Variants in NRDC observed in about 807,000 individuals in gnomAD.
NRDC encodes the protein nardilysin convertase.
In NRDC, 54 loss-of-function variants were observed where a neutral mutation model predicts 147.1. The ratio of observed to expected loss-of-function variants is 0.37; its 90% CI spans 0.29 to 0.46. The LOEUF (loss-of-function observed/expected upper bound fraction) is 0.46, where lower values mean the gene tolerates loss of function less well. NRDC is among the 20% of genes least tolerant of loss of function. The probability of loss-of-function intolerance (pLI) is 1.00; values close to 1 mark genes in which losing one functional copy is unlikely to be tolerated. For missense variants in NRDC, 1,082 were observed against 1,370.6 expected (o/e 0.79, Z 3.33); for synonymous variants, 440 against 482.1 (o/e 0.91, Z 1.14).
At chr1:51,843,774 T>C (rs1356670127) in intron 1 of NRDC, among the ~76,000 whole-genome samples, 1 of 151,014 alleles carries the variant, frequency 6.6e-6, no homozygotes, top group Non-Finnish European at 1.5e-5. Context: ...TGTCCAGAAA[T>C]AAATTCTAAG....
In NRDC at chr1:51,877,734, A is replaced by G. The variant is rs1683401974; in HGVS notation, c.341+541T>C. Among the ~76,000 whole-genome samples the G allele has an allele frequency of 2.0e-5, 3 of 152,184 alleles. No individual in the cohort carries two copies. In the South Asian group the frequency reaches 6.2e-4, roughly 31 times the overall value. ...ATATATTCCTGGACGAGGTCGCCCA[A>G]CCGTTTTGGTAATGGAGAACTACCC... is the stretch of plus-strand genomic sequence containing the variant. On this transcript the variant is annotated intron_variant, in intron 1 of 30. Transcript: ENST00000352171.
At chr1:51,826,236 G>A (rs1297475888) in intron 5 of NRDC, among the ~76,000 whole-genome samples, 1 of 152,186 alleles carries the variant, frequency 6.6e-6, no homozygotes, top group Non-Finnish European at 1.5e-5. Context: ...CAACAACCTT[G>A]AGGAAGTTAT....
intron 11 of NRDC, among the ~76,000 whole-genome samples, chr1:51,815,183 T>C (rs149164770): frequency 2.1e-5 from 2 of 93,030 alleles, no homozygotes; most frequent in African/African-American, 9.0e-5. Context: ...CCTTTTTTTC[T>C]TTTTTTTTTT....
intron 1 of NRDC, among the ~76,000 whole-genome samples, chr1:51,871,623 A>G (rs1408638932): frequency 6.6e-6 from 1 of 151,444 alleles, no homozygotes; most frequent in East Asian, 1.9e-4. Context: ...TGTCCTTATG[A>G]AGATCCTTAG....
intron 9 of NRDC, among the ~76,000 whole-genome samples, chr1:51,819,192 C>T (rs1680104320): frequency 6.6e-6 from 1 of 151,880 alleles, no homozygotes. Flanking sequence ...ATCACTGCCA[C>T]TCAGCAGGCT....
intron 10 of NRDC, among the ~76,000 whole-genome samples, chr1:51,817,652 G>A (rs537695189): frequency 2.0e-5 from 3 of 152,196 alleles, no homozygotes; most frequent in South Asian, 2.1e-4. Flanking sequence ...AACAATTCTC[G>A]TGCCTCAGCC....
At position 51,803,938 on chromosome 1, in the gene NRDC, T is replaced by C; in HGVS notation, c.2189A>G (p.Asn730Ser). The C allele has an allele frequency of 6.2e-7, 1 of 1,608,780 alleles. No homozygotes were observed. Among genetic ancestry groups the C allele is most frequent in the Non-Finnish European group, 8.5e-7 (1 of 1,177,630 alleles). Residue 730 changes from asparagine to serine, a missense_variant, in exon 20 of 31, where the codon AAT becomes AGT. Asn to Ser is a conservative substitution (Grantham distance 46). This residue lies in a region of NRDC where 635 missense variants were observed against 923.8 expected (regional missense o/e 0.69). Coordinates refer to ENST00000352171, the MANE Select transcript of NRDC (RefSeq NM_001101662.2). ...ANVVLFDIFVNILTHNLAEPA... is the reference protein window; with the variant it reads ...ANVVLFDIFVSILTHNLAEPA... Reference sequence around the variant, plus strand: ...TTCCGCAAGGTTATGCGTAAGGATATTGACAAAGATATCAAAGAGGACCAC... The same window carrying C: ...TTCCGCAAGGTTATGCGTAAGGATACTGACAAAGATATCAAAGAGGACCAC...
intron 9 of NRDC, among the ~76,000 whole-genome samples, 190 bp from the exon 10 acceptor site, chr1:51,818,325 G>T (rs1238448753): frequency 6.6e-6 from 1 of 152,090 alleles, no homozygotes; most frequent in African/African-American, 2.4e-5. Context: ...TTTTTTATTT[G>T]GTTTCAGAGG....
intron 4 of NRDC, among the ~76,000 whole-genome samples, chr1:51,832,390 AT>A (rs1482428708): frequency 6.6e-6 from 1 of 152,000 alleles, no homozygotes; most frequent in Non-Finnish European, 1.5e-5. Context: ...TTTAAAAAAA[AT>A]TTTTTTTGGT....
At chr1:51,809,624 C>T (rs1329471327) in intron 16 of NRDC, among the ~76,000 whole-genome samples, 7 of 152,242 alleles carry the variant, frequency 4.6e-5, no homozygotes, top group Admixed American at 2.0e-4. Context: ...TGGCCAGGCA[C>T]GGTGGCTCAC....
intron 29 of NRDC, among the ~76,000 whole-genome samples, chr1:51,790,083 TCAC>T (rs1205402478): frequency 6.6e-6 from 1 of 152,204 alleles, no homozygotes; most frequent in Non-Finnish European, 1.5e-5. Flanking sequence ...CTATGGTAAT[TCAC>T]CATGTAGGGG....
Position 51,792,371 on chromosome 1 carries a change from A to C in NRDC, c.2823+6T>G. The C allele has an allele frequency of 6.2e-7, 1 of 1,614,004 alleles. No homozygotes were observed. The highest frequency in any genetic ancestry group is 8.5e-7 in the Non-Finnish European group (1 of 1,179,900). ...GAAAACCTCAGCATCTCCTTTATGC[A>C]CTTACCACAAGCAGCTCCATAAGCG... On this transcript the variant is annotated splice_donor_region_variant and intron_variant, in intron 25 of 30. Coordinates refer to ENST00000352171, the MANE Select transcript of NRDC (RefSeq NM_001101662.2).
At chr1:51,844,572 C>G (rs1439180151) in intron 1 of NRDC, among the ~76,000 whole-genome samples, 1 of 151,644 alleles carries the variant, frequency 6.6e-6, no homozygotes, top group African/African-American at 2.4e-5. Flanking sequence ...GAAACCCCGT[C>G]TCTACTAAAA....
chr1:51,832,270 C>A (rs530211166), intron 4 of NRDC, among the ~76,000 whole-genome samples: 7 of 152,030 alleles, frequency 4.6e-5, no homozygotes, highest in Non-Finnish European at 1.0e-4. Flanking sequence ...TGGTCTCGAA[C>A]TCCTGGCCTC....
chr1:51,822,274 A>G (rs148621545), intron 7 of NRDC, among the ~76,000 whole-genome samples: 98 of 152,290 alleles, frequency 6.4e-4, no homozygotes, highest in African/African-American at 2.3e-3. Flanking sequence ...TGGGATTCAG[A>G]CTAATCATTT....
chr1:51,794,222 A>T (rs954264468), intron 24 of NRDC: 7 of 405,798 alleles, frequency 1.7e-5, no homozygotes, highest in Non-Finnish European at 3.1e-5. Flanking sequence ...ACATGTAGGG[A>T]TTTCCACCCA....
At chr1:51,835,109 T>G (rs1159719561) in intron 3 of NRDC, among the ~76,000 whole-genome samples, 1 of 152,212 alleles carries the variant, frequency 6.6e-6, no homozygotes, top group Non-Finnish European at 1.5e-5. Context: ...TCACCCAGGT[T>G]GGAGTGCAAT....
chr1:51,793,002 CAG>C (rs1342249715), intron 24 of NRDC, among the ~76,000 whole-genome samples: 1 of 152,208 alleles, frequency 6.6e-6, no homozygotes, highest in Non-Finnish European at 1.5e-5. Flanking sequence ...TAGTGCCTCC[CAG>C]AGTCAGGATC....
intron 18 of NRDC, 44 bp from the exon 19 acceptor site, chr1:51,805,605 G>A (rs1340646833): frequency 2.5e-6 from 3 of 1,209,190 alleles, no homozygotes; most frequent in Non-Finnish European, 3.5e-6. Context: ...AGGGGCCTCA[G>A]ATATTTTATA....
Sources: gnomAD v4.1 joint callset for allele counts (sites outside exome capture counted in the v4.1 genomes callset) on GRCh38, gnomAD v4.1.1 for gene constraint, gnomAD v4.1.1 regional missense constraint, MANE v1.5 for transcripts, NCBI Gene and HGNC (gene_info 2026-07-23, HGNC 2026-07-21) for gene names.